The following ADAM32 variants were observed in gnomAD, a reference collection of about 807,000 sequenced individuals.
ADAM32 encodes the protein disintegrin and metalloproteinase domain-containing protein 32.
Under a neutral mutation model 114.9 loss-of-function variants are expected in ADAM32, and 89 were observed. That is an observed-to-expected ratio of 0.77 (90% confidence interval 0.65 to 0.92). ADAM32 has a LOEUF of 0.92. Ranked by LOEUF, ADAM32 falls within the 40% of genes least tolerant of loss-of-function variation. The probability of loss-of-function intolerance (pLI) is 0.00; values close to 1 mark genes in which losing one functional copy is unlikely to be tolerated. For missense variants in ADAM32, 870 were observed against 932.8 expected (o/e 0.93, Z 0.88); for synonymous variants, 285 against 307.5 (o/e 0.93, Z 0.77).
At chr8:39,228,544 G>A (rs767606004) in intron 14 of ADAM32, among the ~76,000 whole-genome samples, 91 of 152,172 alleles carry the variant, frequency 6.0e-4, no homozygotes, top group Admixed American at 3.9e-4. Flanking sequence ...CCTCTGGAAA[G>A]TCTTAGCAAT....
intron 19 of ADAM32, among the ~76,000 whole-genome samples, chr8:39,265,909 C>T (rs1287479915): frequency 6.6e-6 from 1 of 152,068 alleles, no homozygotes; most frequent in African/African-American, 2.4e-5. Flanking sequence ...TTTATTTTTC[C>T]TCTGCTTATG....
rs191341392 is a variant in ADAM32 at position 39,137,478 on chromosome 8, T to A, written c.200+760T>A. ...GAGAAGAAAAGAGAGATGAAAGATG[T>A]AAACAAGCTGGGCGCGGTGGCTTTC... On this transcript the variant is annotated intron_variant, in intron 3 of 24. Coordinates refer to ENST00000379907, the MANE Select transcript of ADAM32 (RefSeq NM_145004.7). 5.8e-4 allele frequency among the ~76,000 whole-genome samples: 89 copies of A among 152,152 alleles called. 1 individual carries two copies. The highest frequency in any genetic ancestry group is 1.0e-3 in the Non-Finnish European group (70 of 67,996).
intron 15 of ADAM32, among the ~76,000 whole-genome samples, chr8:39,233,571 G>T (rs901949841): frequency 6.6e-6 from 1 of 151,952 alleles, no homozygotes; most frequent in South Asian, 2.1e-4. Context: ...ATCTTATGCC[G>T]ATCTCCTGTC....
chr8:39,218,539 G>T (rs1361991948), intron 12 of ADAM32, among the ~76,000 whole-genome samples: 5 of 152,190 alleles, frequency 3.3e-5, no homozygotes, highest in African/African-American at 9.6e-5. Context: ...AATACACCTG[G>T]TGTTCTGTTC....
intron 1 of ADAM32, among the ~76,000 whole-genome samples, chr8:39,116,767 C>T (rs10088237): frequency 0.43 from 65,247 of 151,890 alleles, 14,211 homozygotes; most frequent in East Asian, 0.59. Flanking sequence ...GGACTTCTAG[C>T]GCTATGTTGA....
At chr8:39,172,274 A>G (rs1805249419) in intron 10 of ADAM32, among the ~76,000 whole-genome samples, 1 of 151,880 alleles carries the variant, frequency 6.6e-6, no homozygotes, top group African/African-American at 2.4e-5. Flanking sequence ...TTTTTTTTTA[A>G]CACAGTGTAT....
At chr8:39,199,934 C>T (rs1278063428) in intron 11 of ADAM32, among the ~76,000 whole-genome samples, 10 of 152,120 alleles carry the variant, frequency 6.6e-5, no homozygotes, top group Admixed American at 2.0e-4. Flanking sequence ...ATCCATGTCC[C>T]TACAAAGGAC....
chr8:39,116,895 T>C (rs1288180085), intron 1 of ADAM32, among the ~76,000 whole-genome samples: 1 of 152,018 alleles, frequency 6.6e-6, no homozygotes, highest in African/African-American at 2.4e-5. Flanking sequence ...GGTTACTTTT[T>C]TTTTTTGAGA....
intron 2 of ADAM32, among the ~76,000 whole-genome samples, chr8:39,120,442 T>C (rs1840543696): frequency 6.6e-6 from 1 of 151,998 alleles, no homozygotes; most frequent in Non-Finnish European, 1.5e-5. Flanking sequence ...ATGAACAGAA[T>C]AGAACTGGTA....
chr8:39,259,339 A>G (rs957234623), intron 19 of ADAM32, among the ~76,000 whole-genome samples: 11 of 151,930 alleles, frequency 7.2e-5, no homozygotes, highest in Non-Finnish European at 1.5e-4. Context: ...AGCTGGTATT[A>G]CAGGCGTGCA....
At chr8:39,230,090 C>T (rs937066093) in intron 14 of ADAM32, among the ~76,000 whole-genome samples, 6 of 152,108 alleles carry the variant, frequency 3.9e-5, no homozygotes, top group South Asian at 2.1e-4. Context: ...TTTTAATGCA[C>T]GTCAAAGCAT....
At chr8:39,261,896 TTGTTTGCTTTTTTCC>T (rs1162466717) in intron 19 of ADAM32, among the ~76,000 whole-genome samples, 1 of 152,164 alleles carries the variant, frequency 6.6e-6, no homozygotes, top group African/African-American at 2.4e-5. Flanking sequence ...TTAAATCTAA[TTGTTTGCTTTTTTCC>T]TGTTGAGATA....
intron 12 of ADAM32, among the ~76,000 whole-genome samples, chr8:39,214,954 C>T (rs749835668): frequency 9.9e-5 from 15 of 151,870 alleles, no homozygotes; most frequent in South Asian, 2.1e-4. Context: ...CTGTTCTTTC[C>T]CAAGTGTATG....
chr8:39,257,285 T>C lies in ADAM32; in HGVS notation c.2104T>C (p.Leu702=). 4 of 1,613,406 alleles carry C rather than the reference T, an allele frequency of 2.5e-6. No homozygotes were observed. The highest frequency in any genetic ancestry group is 1.7e-5 in the Admixed American group (1 of 59,934). ...PILIVTTAIV[L]ARKQLKKWFA... is the part of the protein sequence containing the mutation. ...TCTCATTGTAACAACCGCAATAGTT[T>C]TGGCAAGGAAACAGTTGAAAAAGTG... The change falls in exon 19 of 25, where the codon TTG becomes CTG. Residue 702 remains leucine, a synonymous_variant. Coordinates refer to ENST00000379907, the MANE Select transcript of ADAM32 (RefSeq NM_145004.7).
At chr8:39,138,331 AC>A (rs559517794) in intron 3 of ADAM32, among the ~76,000 whole-genome samples, 63 of 143,230 alleles carry the variant, frequency 4.4e-4, no homozygotes, top group South Asian at 2.9e-3. Context: ...CCAGTCCCCC[AC>A]CCCCCAACAG....
chr8:39,252,291 T>A (rs1811357189), intron 17 of ADAM32, among the ~76,000 whole-genome samples: 7 of 150,700 alleles, frequency 4.6e-5, no homozygotes, highest in Admixed American at 4.6e-4. Context: ...AAGTTAATAT[T>A]AAAAGAAAGT....
At position 39,115,589 on chromosome 8, in the gene ADAM32, T is replaced by G. The variant is rs1448756183; in HGVS notation, c.59-2497T>G. 9.2e-5 allele frequency among the ~76,000 whole-genome samples: 13 copies of G among 141,830 alleles called. No homozygotes were observed. The East Asian group carries it at 1.4e-3, about 16-fold the overall frequency. The allele number at this position is 141,830 out of a possible 152,430, so 93.0% of individuals were successfully genotyped here. A position where few individuals can be genotyped will look rare whatever the true frequency, so the allele number is the denominator to read the frequency against. On this transcript the variant is annotated intron_variant, in intron 1 of 24. Transcript: ENST00000379907. ...TGTCATTGGCCCATTTTTTAATGGG[T>G]TTTTTTTTTTTTGCTTGTTGAATTG...
chr8:39,195,165 T>C (rs905665848), intron 11 of ADAM32, among the ~76,000 whole-genome samples: 1 of 152,210 alleles, frequency 6.6e-6, no homozygotes, highest in Non-Finnish European at 1.5e-5. Flanking sequence ...TTGCCTTCTC[T>C]GAAGATCTGC....
intron 6 of ADAM32, 110 bp from the exon 7 acceptor site, chr8:39,160,787 A>G: frequency 1.1e-6 from 1 of 919,222 alleles, no homozygotes; most frequent in Non-Finnish European, 1.6e-6. Context: ...TTGATAAAGC[A>G]AACACCTCTG....
Sources: gnomAD v4.1 joint callset for allele counts (sites outside exome capture counted in the v4.1 genomes callset) on GRCh38, gnomAD v4.1.1 for gene constraint, MANE v1.5 for transcripts, NCBI Gene and HGNC (gene_info 2026-07-23, HGNC 2026-07-21) for gene names.